FPGT: variants seen among roughly 807,000 people sequenced by gnomAD.
FPGT encodes fucose-1-phosphate guanylyltransferase.
FPGT carries 41 observed loss-of-function variants against 45.8 expected under a neutral mutation model. That is an observed-to-expected ratio of 0.90 (90% confidence interval 0.70 to 1.16). The LOEUF is 1.16. Among genes scored for constraint, FPGT ranks in the 50% most tolerant of loss-of-function variants. FPGT has a pLI of 0.00. For missense variants in FPGT, 755 were observed against 689.1 expected (o/e 1.10, Z -1.07); for synonymous variants, 292 against 247.2 (o/e 1.18, Z -1.70).
At chr1:74,203,863 G>A (rs1652031016) in intron 3 of FPGT, among the ~76,000 whole-genome samples, 1 of 151,830 alleles carries the variant, frequency 6.6e-6, no homozygotes, top group Admixed American at 6.6e-5. Flanking sequence ...CCAACATGGT[G>A]AAACTTCGTC....
chr1:74,200,888 A>T (rs1651731516), intron 2 of FPGT: 1 of 155,078 alleles, frequency 6.4e-6, no homozygotes. Flanking sequence ...TTTTTTTGGG[A>T]ATCCAAGTTC....
intron 3 of FPGT, among the ~76,000 whole-genome samples, chr1:74,203,492 C>T (rs927752049): frequency 6.6e-6 from 1 of 151,578 alleles, no homozygotes; most frequent in Non-Finnish European, 1.5e-5. Context: ...CCCGGGTTCA[C>T]GCCATTTTCC....
In FPGT at chr1:74,205,188, T is replaced by C. The variant is rs147287447; in HGVS notation, c.1141T>C (p.Leu381=). ...SDNSLKSELG[L]QSITFSIFPD... ...TAACAGTTTAAAGTCAGAGCTCGGCTTACAGTCCATAACTTTTAGTATCTT... is the reference window on the plus strand; with the variant it reads ...TAACAGTTTAAAGTCAGAGCTCGGCCTACAGTCCATAACTTTTAGTATCTT... Residue 381 remains leucine (L), a synonymous_variant, in exon 4 of 4, where the codon TTA becomes CTA. Coordinates refer to ENST00000370898, the MANE Select transcript of FPGT (RefSeq NM_003838.5). 1.2e-6 allele frequency: 2 copies of C among 1,613,840 alleles called. No homozygotes were observed. Among genetic ancestry groups the C allele is most frequent in the African/African-American group, 2.7e-5 (2 of 74,926 alleles).
In FPGT at chr1:74,198,327, C is replaced by G. The variant is rs147701183; in HGVS notation, c.49C>G (p.Gln17Glu). Residue 17 changes from glutamine (Q) to glutamate (E), a missense_variant, in exon 1 of 4, where the codon CAG becomes GAG. Gln to Glu is a conservative substitution (Grantham distance 29). Transcript: ENST00000370898. ...GGAAGTATCGCTGCGAGAAGCCACC[C>G]AGCGAAAATTGCGGAGGTTTTCCGA... ...PPEVSLREAT[Q>E]RKLRRFSELR... 49 of 1,614,028 alleles carry G rather than the reference C, an allele frequency of 3.0e-5. No homozygotes were observed. The African/African-American group carries it at 6.4e-4, about 21-fold the overall frequency.
rs147701183 is a variant in FPGT, at chr1:74,198,327, C to T, written c.49C>T (p.Gln17Ter). The stretch of plus-strand genomic sequence containing the variant: ...GGAAGTATCGCTGCGAGAAGCCACC[C>T]AGCGAAAATTGCGGAGGTTTTCCGA... The part of the protein sequence containing the change: ...PPEVSLREAT[Q>*]RKLRRFSELR... The change falls in exon 1 of 4, where the codon CAG becomes TAG. Residue 17 changes from glutamine to a stop codon, truncating the protein, a stop_gained. Transcript: ENST00000370898. LOFTEE classifies it high-confidence loss of function. 1.9e-5 allele frequency: 30 copies of T among 1,614,146 alleles called. No individual in the cohort carries two copies. The East Asian group carries it at 6.7e-4, about 36-fold the overall frequency.
Position 74,207,131 on chromosome 1 carries a change from T to C in FPGT, c.*1299T>C, listed in dbSNP as rs1001346464. On this transcript the variant is annotated 3_prime_UTR_variant, in exon 4 of 4. Transcript: ENST00000370898. ...TTTGTCATTCATTAAATGTTCAAAA[T>C]TGTAGTTTTACCAAATCTGAAGTGC... 8 of 152,074 alleles carry C rather than the reference T, an allele frequency of 5.3e-5. No individual in the cohort carries two copies. The highest frequency in any genetic ancestry group is 5.2e-4 in the Admixed American group (8 of 15,262). The allele number at this position is 152,074 out of a possible 1,614,324, so 9.4% of individuals were successfully genotyped here.
intron 3 of FPGT, among the ~76,000 whole-genome samples, chr1:74,202,859 A>G (rs1651923375): frequency 6.6e-6 from 1 of 152,152 alleles, no homozygotes; most frequent in South Asian, 2.1e-4. Context: ...AAATGAAGAC[A>G]CAAACATATT....
Position 74,205,978 on chromosome 1 carries a change from A to G in FPGT, c.*146A>G, listed in dbSNP as rs1464561360. On this transcript the variant is annotated 3_prime_UTR_variant, in exon 4 of 4. Coordinates refer to ENST00000370898, the MANE Select transcript of FPGT (RefSeq NM_003838.5). ...TAATATTAATAGTGCAAAAGTACAT[A>G]TAAGTCATTTTGATGAAAAATATTC... 1.2e-5 allele frequency: 6 copies of G among 492,900 alleles called. No individual in the cohort carries two copies. Among genetic ancestry groups the G allele is most frequent in the Middle Eastern group, 5.2e-4 (1 of 1,918 alleles). The allele number at this position is 492,900 out of a possible 1,614,324, so 30.5% of individuals were successfully genotyped here.
chr1:74,202,412 T>TA (rs1261314027), intron 3 of FPGT, among the ~76,000 whole-genome samples: 1 of 152,180 alleles, frequency 6.6e-6, no homozygotes, highest in Non-Finnish European at 1.5e-5. Context: ...TAAAAATGTG[T>TA]AAAACAATCT....
rs1315394101 is a variant in FPGT at position 74,207,203 on chromosome 1, C to A, written c.*1371C>A. On this transcript the variant is annotated 3_prime_UTR_variant, in exon 4 of 4. Transcript: ENST00000370898. ...TTATTTTATGTTCCATTAAGAAAAA[C>A]ACAATAAAACATGACACTGCTTTTT... is the stretch of plus-strand genomic sequence containing the variant. The A allele has an allele frequency of 1.3e-5, 2 of 151,954 alleles. No homozygotes were observed. Among genetic ancestry groups the A allele is most frequent in the Non-Finnish European group, 2.9e-5 (2 of 67,922 alleles). The allele number at this position is 151,954 out of a possible 1,614,324, so 9.4% of individuals were successfully genotyped here.
rs200131255 is a variant in FPGT at position 74,205,056 on chromosome 1, A to G, written c.1009A>G (p.Ile337Val). 3 of 1,613,582 alleles carry G rather than the reference A, an allele frequency of 1.9e-6. No homozygotes were observed. The highest frequency in any genetic ancestry group is 4.5e-5 in the East Asian group (2 of 44,888). The change falls in exon 4 of 4, where the codon ATA becomes GTA. Residue 337 changes from isoleucine (I) to valine (V), a missense_variant. Physicochemically the swap from Ile to Val is conservative, Grantham distance 29 (BLOSUM62 3). Transcript: ENST00000370898. ...AGAGTTGGTAGAAATGAGGCAGAGAATATTTCATCTTCTTAAAGGAACATC... is the reference window on the plus strand; with the variant it reads ...AGAGTTGGTAGAAATGAGGCAGAGAGTATTTCATCTTCTTAAAGGAACATC... ...ESELVEMRQR[I>V]FHLLKGTSLN...
At chr1:74,201,489 C>A (rs1295511165) in intron 3 of FPGT, 79 bp downstream of exon 3, 2 of 831,622 alleles carry the variant, frequency 2.4e-6, no homozygotes, top group Non-Finnish European at 1.8e-6. Flanking sequence ...TTCTTTCTTG[C>A]AAACACTTTC....
chr1:74,201,826 T>A (rs1254221579), intron 3 of FPGT, among the ~76,000 whole-genome samples: 1 of 152,228 alleles, frequency 6.6e-6, no homozygotes, highest in East Asian at 1.9e-4. Context: ...GTGCCATGGT[T>A]GGTTGCTGCA....
At position 74,207,608 on chromosome 1, in the gene FPGT, C is replaced by T. The variant is rs866475215; in HGVS notation, c.*1776C>T. On this transcript the variant is annotated 3_prime_UTR_variant, in exon 4 of 4. Coordinates refer to ENST00000370898, the MANE Select transcript of FPGT (RefSeq NM_003838.5). ...GTTTAATCACAGGTCCTTAGAAGAT[C>T]GGACCTGTGATTCTATTCAAAGTCA... Among the ~76,000 whole-genome samples the T allele has an allele frequency of 2.0e-5, 3 of 151,964 alleles. No individual in the cohort carries two copies. Among genetic ancestry groups the T allele is most frequent in the South Asian group, 2.1e-4 (1 of 4,832 alleles).
intron 3 of FPGT, among the ~76,000 whole-genome samples, chr1:74,204,010 C>T (rs1183199256): frequency 6.6e-6 from 1 of 150,764 alleles, no homozygotes; most frequent in Non-Finnish European, 1.5e-5. Context: ...CGTCACTGCA[C>T]TCCAGCCTGG....
chr1:74,204,195 G>A (rs1255760305), intron 3 of FPGT, among the ~76,000 whole-genome samples, 196 bp from the exon 4 acceptor site: 2 of 151,892 alleles, frequency 1.3e-5, no homozygotes, highest in Admixed American at 1.3e-4. Context: ...ATATCAAATG[G>A]CAACAAGAAA....
intron 3 of FPGT, among the ~76,000 whole-genome samples, chr1:74,202,478 A>G (rs918531467): frequency 7.2e-5 from 11 of 152,204 alleles, no homozygotes; most frequent in African/African-American, 2.2e-4. Context: ...AAATTAAATT[A>G]GATACCAGGA....
chr1:74,204,428 G>C lies in FPGT; in HGVS notation c.381G>C (p.Leu127=). The change falls in exon 4 of 4, where the codon CTG becomes CTC. Residue 127 remains leucine, a synonymous_variant. Coordinates refer to ENST00000370898, the MANE Select transcript of FPGT (RefSeq NM_003838.5). ...AACGACTTCCAAATGCAAGTGCTCTGGGAAAAATTTTCACTGCTTTACCTC... is the reference window on the plus strand; with the variant it reads ...AACGACTTCCAAATGCAAGTGCTCTCGGAAAAATTTTCACTGCTTTACCTC... ...YSQRLPNASA[L]GKIFTALPLG... 2 of 1,596,982 alleles carry C rather than the reference G, an allele frequency of 1.3e-6. No individual in the cohort carries two copies. The highest frequency in any genetic ancestry group is 1.3e-5 in the African/African-American group (1 of 74,320).
At chr1:74,203,374 T>C (rs1393335417) in intron 3 of FPGT, among the ~76,000 whole-genome samples, 2 of 148,226 alleles carry the variant, frequency 1.3e-5, no homozygotes, top group African/African-American at 4.9e-5. Context: ...CTATAACTTT[T>C]ATTTTCTGTG....
Sources: allele counts gnomAD v4.1 joint callset (sites outside exome capture counted in the v4.1 genomes callset), GRCh38; gene constraint gnomAD v4.1.1; transcripts MANE v1.5; gene names NCBI Gene and HGNC (gene_info 2026-07-23, HGNC 2026-07-21).